ZNF710: variants seen among roughly 807,000 people sequenced by gnomAD.
The protein encoded by ZNF710 is zinc finger protein 710.
Under a neutral mutation model 50.6 loss-of-function variants are expected in ZNF710, and 13 were observed. The observed-to-expected ratio is 0.26, with a 90% confidence interval of 0.17 to 0.41. The LOEUF (loss-of-function observed/expected upper bound fraction) is 0.41, where lower values mean the gene tolerates loss of function less well. Ranked by LOEUF, ZNF710 falls within the 10% of genes least tolerant of loss-of-function variation. ZNF710 has a pLI of 1.00. For synonymous variants in ZNF710, 383 were observed against 397.0 expected (o/e 0.96, Z 0.42); for missense variants, 721 against 936.6 (o/e 0.77, Z 3.01).
chr15:90,078,034 C>A (rs1044820334), intron 4 of ZNF710, among the ~76,000 whole-genome samples: 9 of 152,016 alleles, frequency 5.9e-5, no homozygotes, highest in Admixed American at 3.3e-4. Context: ...ATGGAGAAAC[C>A]CCGTCTCTAC....
In ZNF710 at chr15:90,067,607, A is replaced by G. The variant is rs866391546; in HGVS notation, c.470A>G (p.Lys157Arg). 1 of 1,611,486 alleles carries G rather than the reference A, an allele frequency of 6.2e-7. No homozygotes were observed. Residue 157 changes from lysine (K) to arginine (R), a missense_variant, in exon 2 of 5, where the codon AAG (lysine) becomes AGG (arginine). Lys to Arg is a conservative substitution (Grantham distance 26). Coordinates refer to ENST00000268154, the MANE Select transcript of ZNF710 (RefSeq NM_198526.4). The surrounding 1 kb of genome is among the most constrained non-coding windows in gnomAD (Gnocchi z 8.1). ...CDALVQSSAV[K>R]MIDLSAFSRK... ...GCCCTGGTGCAGAGCAGCGCCGTCA[A>G]GATGATCGACCTCAGCGCCTTCAGC... is the stretch of plus-strand genomic sequence containing the variant.
At chr15:90,053,249 G>A (rs1471673689) in intron 1 of ZNF710, among the ~76,000 whole-genome samples, 1 of 152,230 alleles carries the variant, frequency 6.6e-6, no homozygotes, top group Non-Finnish European at 1.5e-5. Context: ...CCTCAGCCTG[G>A]GGCCAGGCCC....
chr15:90,063,017 G>A (rs1336870397), intron 1 of ZNF710, among the ~76,000 whole-genome samples: 2 of 152,130 alleles, frequency 1.3e-5, no homozygotes, highest in Non-Finnish European at 2.9e-5. Context: ...GGTGGGCAGT[G>A]GCTCAATGAA....
chr15:90,029,493 A>G (rs1374643598), intron 1 of ZNF710, among the ~76,000 whole-genome samples: 1 of 152,220 alleles, frequency 6.6e-6, no homozygotes, highest in Admixed American at 6.5e-5. Flanking sequence ...TAGACCAAGC[A>G]TGGTGGCTCA....
At chr15:90,035,455 A>AG (rs1899093169) in intron 1 of ZNF710, among the ~76,000 whole-genome samples, 1 of 152,212 alleles carries the variant, frequency 6.6e-6, no homozygotes, top group Non-Finnish European at 1.5e-5. Flanking sequence ...TCCCAGGGCT[A>AG]GGAGGGTATT....
At chr15:90,042,552 C>T (rs1311377602) in intron 1 of ZNF710, among the ~76,000 whole-genome samples, 2 of 152,146 alleles carry the variant, frequency 1.3e-5, no homozygotes, top group East Asian at 1.9e-4. Flanking sequence ...TGCTCCCCGG[C>T]GTTTCTCATT....
chr15:90,028,097 G>A (rs1039934658), intron 1 of ZNF710, among the ~76,000 whole-genome samples: 3 of 152,070 alleles, frequency 2.0e-5, no homozygotes, highest in Admixed American at 6.5e-5. Flanking sequence ...AATTAGAAGA[G>A]TTTTTAAAAG....
At chr15:90,021,985 G>A (rs1353702962) in intron 1 of ZNF710, among the ~76,000 whole-genome samples, 2 of 152,202 alleles carry the variant, frequency 1.3e-5, no homozygotes, top group South Asian at 2.1e-4. Flanking sequence ...GGGAGGCTGA[G>A]GCAGGAGAAT....
chr15:90,076,718 G>T (rs915986567), intron 4 of ZNF710: 3 of 148,508 alleles, frequency 2.0e-5, no homozygotes, highest in East Asian at 3.9e-4. Context: ...TCCAGCCTGG[G>T]TGACAGAGTG....
At chr15:90,030,657 G>C (rs999290893) in intron 1 of ZNF710, among the ~76,000 whole-genome samples, 1 of 152,018 alleles carries the variant, frequency 6.6e-6, no homozygotes, top group Non-Finnish European at 1.5e-5. Context: ...TCCCAACAGG[G>C]CAGTCACATA....
chr15:90,021,512 T>G (rs1898621624), intron 1 of ZNF710, among the ~76,000 whole-genome samples: 1 of 152,158 alleles, frequency 6.6e-6, no homozygotes. Context: ...TGCACCATCC[T>G]GAATCCTCTG....
At chr15:90,048,523 T>G (rs746585897) in intron 1 of ZNF710, among the ~76,000 whole-genome samples, 12 of 151,972 alleles carry the variant, frequency 7.9e-5, no homozygotes, top group Admixed American at 3.3e-4. Flanking sequence ...GTTTCAGGGG[T>G]CGGGGCCAGC....
intron 1 of ZNF710, among the ~76,000 whole-genome samples, chr15:90,043,117 G>A (rs769041344): frequency 7.2e-5 from 11 of 152,248 alleles, no homozygotes; most frequent in Admixed American, 3.3e-4. Flanking sequence ...ACACCCCACC[G>A]GGGACCGAGC....
chr15:90,063,828 C>A (rs1900085091), intron 1 of ZNF710, among the ~76,000 whole-genome samples: 1 of 152,022 alleles, frequency 6.6e-6, no homozygotes, highest in African/African-American at 2.4e-5. Flanking sequence ...TTGAGGTTGG[C>A]GGGAGGGGGC....
At position 90,068,604 on chromosome 15, in the gene ZNF710, GT is replaced by G; in HGVS notation, c.1458+11del. On this transcript the variant is annotated intron_variant, in intron 2 of 4. Coordinates refer to ENST00000268154, the MANE Select transcript of ZNF710 (RefSeq NM_198526.4). The surrounding 1 kb of genome is among the most constrained non-coding windows in gnomAD (Gnocchi z 5.0). ...ACTCCCTCACCCACAAGGTAAGGCC[GT>G]TCCCAGGGCCTGGGCATCTGCCTGC... 1 of 1,573,548 alleles carries G rather than the reference GT, an allele frequency of 6.4e-7. No individual in the cohort carries two copies. Among genetic ancestry groups the G allele is most frequent in the East Asian group, 2.2e-5 (1 of 44,508 alleles).
At chr15:90,078,473 C>G (rs1900646411) in intron 4 of ZNF710, among the ~76,000 whole-genome samples, 1 of 152,200 alleles carries the variant, frequency 6.6e-6, no homozygotes, top group Non-Finnish European at 1.5e-5. Context: ...AACTTACTAG[C>G]AGGCCTTTCC....
At position 90,020,641 on chromosome 15, in the gene ZNF710, G is replaced by C. The variant is rs182760109; in HGVS notation, c.-29+19027G>C. On this transcript the variant is annotated intron_variant, in intron 1 of 4. Coordinates refer to ENST00000268154, the MANE Select transcript of ZNF710 (RefSeq NM_198526.4). ...AATGAGAGGCGCAGTTTGGGAGAAG[G>C]AGGCTGCATGTTTCCCCTGGGGTGG... 2.7e-4 allele frequency among the ~76,000 whole-genome samples: 41 copies of C among 152,370 alleles called. 1 individual carries two copies. Among genetic ancestry groups the C allele is most frequent in the Non-Finnish European group, 1.5e-5 (1 of 68,034 alleles).
chr15:90,000,951 C>T (rs1897995277), upstream of ZNF710, among the ~76,000 whole-genome samples: 1 of 151,284 alleles, frequency 6.6e-6, no homozygotes, highest in Admixed American at 6.6e-5. Flanking sequence ...TTCCCCGCTT[C>T]AGTTAATCTT....
At chr15:90,027,215 C>CTTT (rs1898805177) in intron 1 of ZNF710, among the ~76,000 whole-genome samples, 1 of 151,858 alleles carries the variant, frequency 6.6e-6, no homozygotes, top group South Asian at 2.1e-4. Context: ...TTTTCTTCTT[C>CTTT]TGTTTTTTTT....
Sources: allele counts gnomAD v4.1 joint callset (sites outside exome capture counted in the v4.1 genomes callset), GRCh38; gene constraint gnomAD v4.1.1; non-coding constraint Gnocchi (gnomAD v3.1); transcripts MANE v1.5; gene names NCBI Gene and HGNC (gene_info 2026-07-23, HGNC 2026-07-21).